The following AHNAK2 variants were observed in gnomAD, a reference collection of about 807,000 sequenced individuals.
The protein encoded by AHNAK2 is AHNAK nucleoprotein 2, also known as protein AHNAK2.
A neutral mutation model predicts 30.7 loss-of-function variants in AHNAK2; 18 were observed. That is an observed-to-expected ratio of 0.59 (90% confidence interval 0.41 to 0.87). The LOEUF (loss-of-function observed/expected upper bound fraction) is 0.87, where lower values mean the gene tolerates loss of function less well. Among genes scored for constraint, AHNAK2 ranks in the 40% least tolerant of loss-of-function variants. The probability of loss-of-function intolerance (pLI) is 0.00; values close to 1 mark genes in which losing one functional copy is unlikely to be tolerated. For synonymous variants in AHNAK2, 3,590 were observed against 3,073.8 expected (o/e 1.17, Z -5.56); for missense variants, 8,604 against 7,373.0 (o/e 1.17, Z -6.11).
Position 104,940,976 on chromosome 14 carries a change from T to G in AHNAK2, c.14475A>C (p.Thr4825=), listed in dbSNP as rs781689054. 1.5e-5 allele frequency: 25 copies of G among 1,613,132 alleles called. No homozygotes were observed. The highest frequency in any genetic ancestry group is 8.5e-7 in the Non-Finnish European group (1 of 1,179,878). Reference sequence around the variant, plus strand: ...GAGGCTGCAGGTCAGTGGAGCACTCTGTCTTGGGAAGAGGAATATCAGCCT... The same window carrying G: ...GAGGCTGCAGGTCAGTGGAGCACTCGGTCTTGGGAAGAGGAATATCAGCCT... The part of the protein sequence containing the change: ...GSQADIPLPK[T]ECSTDLQPPE... The change falls in exon 7 of 7, where the codon ACA becomes ACC. Residue 4825 remains threonine, a synonymous_variant. Coordinates refer to ENST00000333244, the MANE Select transcript of AHNAK2 (RefSeq NM_138420.4). This position sits in a 1 kb window ranked among gnomAD's most constrained non-coding sequence, Gnocchi z 4.4.
chr14:104,969,507 G>A (rs1380117198), intron 1 of AHNAK2, among the ~76,000 whole-genome samples: 3 of 152,228 alleles, frequency 2.0e-5, no homozygotes, highest in Non-Finnish European at 4.4e-5. Flanking sequence ...GGACACTGCC[G>A]GCTCCCTGGT....
intron 1 of AHNAK2, among the ~76,000 whole-genome samples, chr14:104,959,845 G>C (rs1899086581): frequency 6.6e-6 from 1 of 152,070 alleles, no homozygotes. Flanking sequence ...AAATATAAAA[G>C]ACTCTATGAA....
In AHNAK2 at chr14:104,953,932, G is replaced by T. The variant is rs1369462091; in HGVS notation, c.1519C>A (p.Arg507Ser). The T allele has an allele frequency of 6.2e-7, 1 of 1,613,830 alleles. No homozygotes were observed. Among genetic ancestry groups the T allele is most frequent in the East Asian group, 2.2e-5 (1 of 44,896 alleles). Residue 507 changes from arginine (R) to serine (S), a missense_variant, in exon 7 of 7, where the codon CGC (arginine) becomes AGC (serine). Physicochemically the swap from Arg to Ser is moderately radical, Grantham distance 110 (BLOSUM62 -1). Coordinates refer to ENST00000333244, the MANE Select transcript of AHNAK2 (RefSeq NM_138420.4). ...TTCCCTCGCTGTGGGGTACTAAGGCGCCTTTCTCTTTCTGGCTCTTTTTCT... is the reference window on the plus strand; with the variant it reads ...TTCCCTCGCTGTGGGGTACTAAGGCTCCTTTCTCTTTCTGGCTCTTTTTCT... ...STEKEPERER[R>S]LSTPQRGKRQ...
chr14:104,943,513 C>A lies in AHNAK2; in HGVS notation c.11938G>T (p.Val3980Leu), dbSNP rs751887950. The A allele has an allele frequency of 2.5e-6, 4 of 1,613,232 alleles. No individual in the cohort carries two copies. Among genetic ancestry groups the A allele is most frequent in the South Asian group, 1.1e-5 (1 of 91,052 alleles). Reference protein sequence around the residue: ...MPKFKMPSFGVSAPGKSMEAS... With the variant: ...MPKFKMPSFGLSAPGKSMEAS... ...TCCATGGACTTGCCTGGGGCAGACACCCCGAACGACGGCATCTTGAACTTG... is the reference window on the plus strand; with the variant it reads ...TCCATGGACTTGCCTGGGGCAGACAACCCGAACGACGGCATCTTGAACTTG... The change falls in exon 7 of 7, where the codon GTG (valine) becomes TTG (leucine). Residue 3980 changes from valine (V) to leucine (L), a missense_variant. Physicochemically the swap from Val to Leu is conservative, Grantham distance 32. Transcript: ENST00000333244.
rs372124350 is a variant in AHNAK2 at position 104,952,187 on chromosome 14, A to T, written c.3264T>A (p.Ser1088Arg). ...KGHLPKVEMP[S>R]FKMPKVALKG... is the part of the protein sequence containing the mutation. ...TGAGGGCCACTTTGGGCATCTTGAA[A>T]CTGGGCATCTCCACCTTGGGCAAGT... The change falls in exon 7 of 7, where the codon AGT (serine) becomes AGA (arginine). Residue 1088 changes from serine (S) to arginine (R), a missense_variant. Transcript: ENST00000333244. 6.2e-7 allele frequency: 1 copy of T among 1,611,770 alleles called. No individual in the cohort carries two copies. Among genetic ancestry groups the T allele is most frequent in the African/African-American group, 1.4e-5 (1 of 73,932 alleles).
chr14:104,941,593 C>A lies in AHNAK2; in HGVS notation c.13858G>T (p.Asp4620Tyr), dbSNP rs369772643. The A allele has an allele frequency of 1.6e-5, 26 of 1,613,384 alleles. No individual in the cohort carries two copies. In the African/African-American group the frequency reaches 3.5e-4, roughly 21 times the overall value. ...LEGDLSLAHE[D>Y]VAGKDSKFQG... ...AACTTACTGTCTTTCCCAGCTACAT[C>A]CTCGTGGGCCAGGGACAGGTCCCCC... The change falls in exon 7 of 7, where the codon GAT (aspartate) becomes TAT (tyrosine). Residue 4620 changes from aspartate to tyrosine, a missense_variant. Asp to Tyr is a radical substitution (Grantham distance 160, BLOSUM62 -3). Coordinates refer to ENST00000333244, the MANE Select transcript of AHNAK2 (RefSeq NM_138420.4).
rs1290354508 is a variant in AHNAK2 at position 104,944,492 on chromosome 14, T to G, written c.10959A>C (p.Pro3653=). 1.2e-6 allele frequency: 2 copies of G among 1,613,188 alleles called. No homozygotes were observed. The highest frequency in any genetic ancestry group is 1.7e-6 in the Non-Finnish European group (2 of 1,179,620). The part of the protein sequence containing the change: ...FKMPSFRVSA[P]GKSMEASVDV... ...CCACCGAGGCCTCCATGGACTTCCC[T>G]GGGGCCGATACCCTGAATGACGGCA... Residue 3653 remains proline, a synonymous_variant, in exon 7 of 7, where the codon CCA becomes CCC. Coordinates refer to ENST00000333244, the MANE Select transcript of AHNAK2 (RefSeq NM_138420.4).
intron 1 of AHNAK2, among the ~76,000 whole-genome samples, chr14:104,977,147 C>T (rs1478583676): frequency 6.6e-6 from 1 of 152,208 alleles, no homozygotes; most frequent in Non-Finnish European, 1.5e-5. Context: ...GGGCACCCCT[C>T]TCACCTGCAG....
At position 104,943,544 on chromosome 14, in the gene AHNAK2, T is replaced by G. The variant is rs1441521457; in HGVS notation, c.11907A>C (p.Lys3969Asn). 1.1e-5 allele frequency: 18 copies of G among 1,612,562 alleles called. No homozygotes were observed. Among genetic ancestry groups the G allele is most frequent in the Non-Finnish European group, 1.4e-5 (17 of 1,179,420 alleles). The change falls in exon 7 of 7, where the codon AAA becomes AAC. Residue 3969 changes from lysine to asparagine, a missense_variant. By Grantham distance (94) the Lys-to-Asn change is moderately conservative. Transcript: ENST00000333244. Reference protein sequence around the residue: ...KDMTAKDSKFKMPKFKMPSFG... With the variant: ...KDMTAKDSKFNMPKFKMPSFG... ...ACGACGGCATCTTGAACTTGGGCAT[T>G]TTGAACTTGCTGTCTTTGGCCGTCA...
intron 4 of AHNAK2, among the ~76,000 whole-genome samples, chr14:104,955,945 G>A (rs1480722817): frequency 2.0e-5 from 3 of 150,962 alleles, no homozygotes; most frequent in African/African-American, 7.3e-5. Context: ...TTTCCCTGTG[G>A]CCAGTTTCTC....
Position 104,945,482 on chromosome 14 carries a change from T to C in AHNAK2, c.9969A>G (p.Pro3323=). The C allele has an allele frequency of 6.2e-7, 1 of 1,613,378 alleles. No homozygotes were observed. Among genetic ancestry groups the C allele is most frequent in the Middle Eastern group, 1.7e-4 (1 of 6,056 alleles). The change falls in exon 7 of 7, where the codon CCA becomes CCG. Residue 3323 remains proline (P), a synonymous_variant. Coordinates refer to ENST00000333244, the MANE Select transcript of AHNAK2 (RefSeq NM_138420.4). ...CCACCGAGGCCTGGATGGACTTGCC[T>C]GGGGCAGACGCCCTGTACGACGGCA... ...FKMPSYRASA[P]GKSIQASVDV... is the part of the protein sequence containing the mutation.
At chr14:104,962,365 A>G (rs963005906) in intron 1 of AHNAK2, among the ~76,000 whole-genome samples, 1 of 152,206 alleles carries the variant, frequency 6.6e-6, no homozygotes, top group Non-Finnish European at 1.5e-5. Flanking sequence ...CAAATCAGTG[A>G]ACAGAAAACA....
rs1331108228 is a variant in AHNAK2 at position 104,954,424 on chromosome 14, C to T, written c.1027G>A (p.Gly343Ser). 1.2e-6 allele frequency: 2 copies of T among 1,612,788 alleles called. No homozygotes were observed. Among genetic ancestry groups the T allele is most frequent in the African/African-American group, 2.7e-5 (2 of 74,924 alleles). The change falls in exon 7 of 7, where the codon GGC becomes AGC. Residue 343 changes from glycine (G) to serine (S), a missense_variant. Physicochemically the swap from Gly to Ser is moderately conservative, Grantham distance 56. Transcript: ENST00000333244. The surrounding 1 kb of genome is among the most constrained non-coding windows in gnomAD (Gnocchi z 4.3). Reference sequence around the variant, plus strand: ...CCCACCCCACTCTGGAACCCCCTGCCTGGCTGTCCTGTCGATGAAGGGCCC... The same window carrying T: ...CCCACCCCACTCTGGAACCCCCTGCTTGGCTGTCCTGTCGATGAAGGGCCC... ...GQGPSSTGQPGRGFQSGVGRA... is the reference protein window; with the variant it reads ...GQGPSSTGQPSRGFQSGVGRA...
rs1898170939 is a variant in AHNAK2, at chr14:104,944,828, G to A, written c.10623C>T (p.Leu3541=). The stretch of plus-strand genomic sequence containing the variant: ...CTCCCTCGGGCACGGGGCCCTCCAG[G>A]AGTTCCACATCCACTTGGACAGCCT... The part of the protein sequence containing the change: ...EVQAVQVDVE[L]LEGPVPEGAG... The change falls in exon 7 of 7, where the codon CTC becomes CTT. Residue 3541 remains leucine (L), a synonymous_variant. Transcript: ENST00000333244. 5 of 1,612,626 alleles carry A rather than the reference G, an allele frequency of 3.1e-6. No individual in the cohort carries two copies. The highest frequency in any genetic ancestry group is 1.3e-5 in the African/African-American group (1 of 74,660).
Position 104,953,566 on chromosome 14 carries a change from T to C in AHNAK2, c.1885A>G (p.Thr629Ala). 6.2e-7 allele frequency: 1 copy of C among 1,614,052 alleles called. No homozygotes were observed. The highest frequency in any genetic ancestry group is 1.6e-4 in the Middle Eastern group (1 of 6,062). Residue 629 changes from threonine to alanine, a missense_variant, in exon 7 of 7, where the codon ACA becomes GCA. Thr to Ala is a moderately conservative substitution (Grantham distance 58). Transcript: ENST00000333244. The part of the protein sequence containing the change: ...ATADRREQRR[T>A]EEGLKDKEDS... ...TCTTTGTCTTTTAATCCTTCCTCTG[T>C]GCGTCTCTGTTCTCTTCTATCAGCT...
In AHNAK2 at chr14:104,939,914, T is replaced by C; in HGVS notation, c.15537A>G (p.Glu5179=). ...EVLTVESPEE[E]AMTKYSQESW... ...TTTCCTGCGAGTACTTGGTCATGGC[T>C]TCCTCCTCTGGGCTTTCCACTGTGA... The change falls in exon 7 of 7, where the codon GAA becomes GAG. Residue 5179 remains glutamate, a synonymous_variant. Transcript: ENST00000333244. The C allele has an allele frequency of 6.2e-7, 1 of 1,612,912 alleles. No homozygotes were observed. The highest frequency in any genetic ancestry group is 8.5e-7 in the Non-Finnish European group (1 of 1,179,890).
chr14:104,961,866 G>A (rs529598966), intron 1 of AHNAK2, among the ~76,000 whole-genome samples: 111 of 152,124 alleles, frequency 7.3e-4, no homozygotes, highest in African/African-American at 2.4e-3. Flanking sequence ...CCAGCTACTC[G>A]GGAGGCTGAG....
chr14:104,949,912 C>T lies in AHNAK2; in HGVS notation c.5539G>A (p.Asp1847Asn), dbSNP rs778258861. 6.3e-7 allele frequency: 1 copy of T among 1,589,632 alleles called. No homozygotes were observed. Among genetic ancestry groups the T allele is most frequent in the African/African-American group, 1.4e-5 (1 of 72,732 alleles). ...APGKSIEASV[D>N]VSAPKVEAEV... The stretch of plus-strand genomic sequence containing the variant: ...GCCTCCACCTTCGGCGCAGACACAT[C>T]CACCGAGGCCTCGATGGACTTGCCT... The change falls in exon 7 of 7, where the codon GAT becomes AAT. Residue 1847 changes from aspartate to asparagine, a missense_variant. Coordinates refer to ENST00000333244, the MANE Select transcript of AHNAK2 (RefSeq NM_138420.4).
intron 1 of AHNAK2, among the ~76,000 whole-genome samples, chr14:104,971,289 A>T (rs981672152): frequency 6.6e-6 from 1 of 152,142 alleles, no homozygotes; most frequent in East Asian, 1.9e-4. Context: ...AATTTTAAAA[A>T]TTTTTTGTAG....
Sources: gnomAD v4.1 joint callset for allele counts (sites outside exome capture counted in the v4.1 genomes callset) on GRCh38, gnomAD v4.1.1 for gene constraint, Gnocchi (gnomAD v3.1) non-coding constraint, MANE v1.5 for transcripts, NCBI Gene and HGNC (gene_info 2026-07-23, HGNC 2026-07-21) for gene names.